Variants in ABLIM1 observed in about 807,000 individuals in gnomAD.
ABLIM1 encodes actin-binding LIM protein 1.
Under a neutral mutation model 107.0 loss-of-function variants are expected in ABLIM1, and 40 were observed. The observed-to-expected ratio is 0.37, with a 90% CI of 0.29 to 0.49. The LOEUF (loss-of-function observed/expected upper bound fraction) is 0.49. Ranked by LOEUF, ABLIM1 falls within the 20% of genes least tolerant of loss-of-function variation. ABLIM1 has a pLI of 0.97. For missense variants in ABLIM1, 857 were observed against 1,008.5 expected (o/e 0.85, Z 2.04); for synonymous variants, 357 against 357.3 (o/e 1.00, Z 0.01).
intron 6 of ABLIM1, among the ~76,000 whole-genome samples, chr10:114,515,225 T>C (rs1458638924): frequency 6.6e-6 from 1 of 152,214 alleles, no homozygotes; most frequent in Non-Finnish European, 1.5e-5. Flanking sequence ...GCAGCGGCCA[T>C]GTCAAGGCTA....
intron 19 of ABLIM1, 30 bp downstream of exon 19, chr10:114,440,987 C>A: frequency 6.4e-7 from 1 of 1,571,770 alleles, no homozygotes; most frequent in Admixed American, 1.8e-5. Context: ...GAAGACGTGG[C>A]CATGCTCAGC....
chr10:114,477,396 G>A (rs890954768), intron 8 of ABLIM1, among the ~76,000 whole-genome samples: 3 of 152,124 alleles, frequency 2.0e-5, no homozygotes, highest in African/African-American at 4.8e-5. Context: ...CTATGACAAA[G>A]GCCTGTTTTC....
At chr10:114,611,700 T>G (rs935155878) in intron 1 of ABLIM1, among the ~76,000 whole-genome samples, 2 of 152,098 alleles carry the variant, frequency 1.3e-5, no homozygotes, top group African/African-American at 4.8e-5. Flanking sequence ...TCCTTATAAA[T>G]CACTTGGCGC....
intron 19 of ABLIM1, 53 bp from the exon 20 acceptor site, chr10:114,440,142 A>T (rs1308108092): frequency 5.2e-6 from 8 of 1,538,776 alleles, no homozygotes; most frequent in Non-Finnish European, 7.2e-6. Context: ...TGGAAAAGCA[A>T]GGAACCATTC....
At chr10:114,441,906 T>G in intron 17 of ABLIM1, 120 bp from the exon 18 acceptor site, 1 of 823,598 alleles carries the variant, frequency 1.2e-6, no homozygotes, top group Non-Finnish European at 2.0e-6. Context: ...CAAATCATAT[T>G]GGGCTCAAAT....
chr10:114,765,310 G>A (rs1472451018), intron 1 of ABLIM1, among the ~76,000 whole-genome samples: 1 of 151,486 alleles, frequency 6.6e-6, no homozygotes. Context: ...CTCCCAAAGT[G>A]ACAGGATTAC....
chr10:114,547,309 A>C (rs2067481992), intron 5 of ABLIM1, among the ~76,000 whole-genome samples: 1 of 152,206 alleles, frequency 6.6e-6, no homozygotes. Context: ...AATGTACTCC[A>C]GCCCTGGAAG....
intron 1 of ABLIM1, chr10:114,690,647 T>C (rs1388580258): frequency 2.9e-6 from 2 of 692,662 alleles, no homozygotes; most frequent in African/African-American, 1.8e-5. Flanking sequence ...CTATGGCTGA[T>C]ACTACAGGGC....
At chr10:114,506,002 A>G (rs940180592) in intron 6 of ABLIM1, among the ~76,000 whole-genome samples, 3 of 152,060 alleles carry the variant, frequency 2.0e-5, no homozygotes, top group African/African-American at 7.2e-5. Flanking sequence ...TAGTTTTTCA[A>G]CCCACTTCCC....
intron 21 of ABLIM1, among the ~76,000 whole-genome samples, chr10:114,438,189 A>T (rs1018571481): frequency 1.3e-5 from 2 of 152,152 alleles, no homozygotes; most frequent in Non-Finnish European, 2.9e-5. Context: ...CAGAACACTA[A>T]CTTACTATGT....
intron 1 of ABLIM1, among the ~76,000 whole-genome samples, chr10:114,667,054 C>T (rs1314546347): frequency 2.6e-5 from 4 of 152,164 alleles, no homozygotes; most frequent in Non-Finnish European, 5.9e-5. Flanking sequence ...CAGAACAAAA[C>T]ATGTTCACAG....
chr10:114,661,404 A>T (rs965829540), upstream of ABLIM1, among the ~76,000 whole-genome samples: 1 of 152,204 alleles, frequency 6.6e-6, no homozygotes, highest in Non-Finnish European at 1.5e-5. Flanking sequence ...ACCCTCCTCC[A>T]CATGGCTCCA....
intron 1 of ABLIM1, among the ~76,000 whole-genome samples, chr10:114,765,344 C>T (rs941962930): frequency 2.7e-5 from 4 of 146,970 alleles, no homozygotes; most frequent in East Asian, 1.9e-4. Flanking sequence ...CCACTGCGCC[C>T]GGCCATTTTC....
At chr10:114,468,397 C>T in intron 10 of ABLIM1, 181 bp from the exon 11 acceptor site, 3 of 553,222 alleles carry the variant, frequency 5.4e-6, no homozygotes, top group Non-Finnish European at 9.8e-6. Flanking sequence ...GCCTCAGCCT[C>T]CCAAGTAGCT....
chr10:114,708,986 A>C (rs1456571540), intron 1 of ABLIM1, among the ~76,000 whole-genome samples: 1 of 152,162 alleles, frequency 6.6e-6, no homozygotes, highest in Non-Finnish European at 1.5e-5. Context: ...CTTTTCGAGA[A>C]GCATTTTTTA....
intron 6 of ABLIM1, among the ~76,000 whole-genome samples, chr10:114,499,579 A>C (rs1314524963): frequency 6.6e-6 from 1 of 152,204 alleles, no homozygotes. Context: ...CCTTTTAAAA[A>C]TGGGTTCGAT....
At chr10:114,709,731 ATAT>A (rs1220615500) in intron 1 of ABLIM1, among the ~76,000 whole-genome samples, 8 of 152,046 alleles carry the variant, frequency 5.3e-5, no homozygotes, top group Non-Finnish European at 8.8e-5. Context: ...AGCAGGGAAA[ATAT>A]TATACAGGTA....
At chr10:114,631,997 C>G in intron 1 of ABLIM1, 1 of 1,298,822 alleles carries the variant, frequency 7.7e-7, no homozygotes, top group Non-Finnish European at 1.0e-6. Flanking sequence ...CCTCGGCAGA[C>G]AGATCCGCGG....
chr10:114,438,512 T>C (rs1040542750), intron 21 of ABLIM1, among the ~76,000 whole-genome samples: 1 of 152,216 alleles, frequency 6.6e-6, no homozygotes, highest in Non-Finnish European at 1.5e-5. Context: ...CTACCCGCCT[T>C]GGCCTTCCAA....
Sources: gnomAD v4.1 joint callset for allele counts (sites outside exome capture counted in the v4.1 genomes callset) on GRCh38, gnomAD v4.1.1 for gene constraint, MANE v1.5 for transcripts, NCBI Gene and HGNC (gene_info 2026-07-23, HGNC 2026-07-21) for gene names.